ASB13: variants seen among roughly 807,000 people sequenced by gnomAD.
The protein encoded by ASB13 is ankyrin repeat and SOCS box containing 13.
Under a neutral mutation model 28.8 loss-of-function variants are expected in ASB13, and 33 were observed. The ratio of observed to expected loss-of-function variants is 1.15; its 90% CI spans 0.87 to 1.53. The LOEUF (loss-of-function observed/expected upper bound fraction) is 1.53. Ranked by LOEUF, ASB13 falls within the 40% of genes most tolerant of loss-of-function variation. The pLI, the probability that ASB13 is intolerant of heterozygous loss-of-function variation, is 0.00. For missense variants in ASB13, 414 were observed against 390.1 expected (o/e 1.06, Z -0.52); for synonymous variants, 182 against 172.9 (o/e 1.05, Z -0.41).
Position 5,661,287 on chromosome 10 carries a change from A to G in ASB13, c.43+5222T>C, listed in dbSNP as rs1588520217. Reference sequence around the variant, plus strand: ...CGGGCCTCACTTGACCCACACAGGGACTGCAACCATAAAAGCAGCAGAGCC... The same window carrying G: ...CGGGCCTCACTTGACCCACACAGGGGCTGCAACCATAAAAGCAGCAGAGCC... On this transcript the variant is annotated intron_variant, in intron 1 of 5. Transcript: ENST00000357700. This position sits in a 1 kb window ranked among gnomAD's most constrained non-coding sequence, Gnocchi z 4.9. 6.6e-6 allele frequency among the ~76,000 whole-genome samples: 1 copy of G among 152,184 alleles called. No homozygotes were observed. The highest frequency in any genetic ancestry group is 1.9e-4 in the East Asian group (1 of 5,150).
rs1051192538 is a variant in ASB13, at chr10:5,663,042, G to A, written c.43+3467C>T. On this transcript the variant is annotated intron_variant, in intron 1 of 5. Coordinates refer to ENST00000357700, the MANE Select transcript of ASB13 (RefSeq NM_024701.4). The surrounding 1 kb of genome is among the most constrained non-coding windows in gnomAD (Gnocchi z 4.9). ...ATTTTTCAACCATGTCTTTTTAAATGTTTTCATTATGAATCCCCAAAATAT... is the reference window on the plus strand; with the variant it reads ...ATTTTTCAACCATGTCTTTTTAAATATTTTCATTATGAATCCCCAAAATAT... 6.6e-6 allele frequency among the ~76,000 whole-genome samples: 1 copy of A among 152,118 alleles called. No individual in the cohort carries two copies. The highest frequency in any genetic ancestry group is 6.5e-5 in the Admixed American group (1 of 15,284).
At chr10:5,643,475 C>T (rs371288230) in intron 4 of ASB13, among the ~76,000 whole-genome samples, 1 of 152,216 alleles carries the variant, frequency 6.6e-6, no homozygotes, top group Non-Finnish European at 1.5e-5. Context: ...CCACTTCCCG[C>T]AGCCAAAACT....
At position 5,651,512 on chromosome 10, in the gene ASB13, G is replaced by C. The variant is rs1834984690; in HGVS notation, c.232-149C>G. On this transcript the variant is annotated intron_variant, in intron 2 of 5. Transcript: ENST00000357700. This position sits in a 1 kb window ranked among gnomAD's most constrained non-coding sequence, Gnocchi z 5.1. ...TGTGCTAGGCAACGACACTGAAAGA[G>C]ATAGCACGTGGCTGCGGAGCACCGA... 7 of 853,336 alleles carry C rather than the reference G, an allele frequency of 8.2e-6. No individual in the cohort carries two copies. The highest frequency in any genetic ancestry group is 1.2e-5 in the Non-Finnish European group (7 of 570,062). The allele number at this position is 853,336 out of a possible 1,614,324, so 52.9% of individuals were successfully genotyped here. A position where few individuals can be genotyped will look rare whatever the true frequency, so the allele number is the denominator to read the frequency against.
Position 5,663,642 on chromosome 10 carries a change from C to G in ASB13, c.43+2867G>C, listed in dbSNP as rs770390531. 6.6e-6 allele frequency among the ~76,000 whole-genome samples: 1 copy of G among 152,194 alleles called. No individual in the cohort carries two copies. The highest frequency in any genetic ancestry group is 1.5e-5 in the Non-Finnish European group (1 of 68,032). ...GTTTCCTTAGGACAGCAGGCAATGT[C>G]TCCCAGGGCTGCCGAGTCGAGGAGG... On this transcript the variant is annotated intron_variant, in intron 1 of 5. Transcript: ENST00000357700. The surrounding 1 kb of genome is among the most constrained non-coding windows in gnomAD (Gnocchi z 4.9).
intron 1 of ASB13, 53 bp downstream of exon 1, chr10:5,666,456 C>T: frequency 7.9e-7 from 1 of 1,267,580 alleles, no homozygotes; most frequent in Admixed American, 3.7e-5. Flanking sequence ...CGCGGCCGGC[C>T]TCAGGAGCCG....
In ASB13 at chr10:5,644,874, G is replaced by A. The variant is rs1834860498; in HGVS notation, c.518-2913C>T. On this transcript the variant is annotated intron_variant, in intron 4 of 5. Transcript: ENST00000357700. This position sits in a 1 kb window ranked among gnomAD's most constrained non-coding sequence, Gnocchi z 5.1. The stretch of plus-strand genomic sequence containing the variant: ...ACAGAGGAAAGAAGGAAGAGAGAAA[G>A]AGGGTAGGAGAGGGAAAGAAAGTAA... Among the ~76,000 whole-genome samples, 1 of 152,058 alleles carries A rather than the reference G, an allele frequency of 6.6e-6. No individual in the cohort carries two copies. Among genetic ancestry groups the A allele is most frequent in the Non-Finnish European group, 1.5e-5 (1 of 68,012 alleles).
rs912218687 is a variant in ASB13 at position 5,649,260 on chromosome 10, G to A, written c.383-156C>T. Among the ~76,000 whole-genome samples, 6 of 152,210 alleles carry A rather than the reference G, an allele frequency of 3.9e-5. No homozygotes were observed. The highest frequency in any genetic ancestry group is 6.5e-5 in the Admixed American group (1 of 15,288). On this transcript the variant is annotated intron_variant, in intron 3 of 5. Coordinates refer to ENST00000357700, the MANE Select transcript of ASB13 (RefSeq NM_024701.4). The surrounding 1 kb of genome is among the most constrained non-coding windows in gnomAD (Gnocchi z 6.4). ...CAACCTAGGGAGGAGTTCATGACCCGCATGGCCCTCAGGAAGCCAGGACAC... is the reference window on the plus strand; with the variant it reads ...CAACCTAGGGAGGAGTTCATGACCCACATGGCCCTCAGGAAGCCAGGACAC...
Position 5,660,581 on chromosome 10 carries a change from C to T in ASB13, c.43+5928G>A, listed in dbSNP as rs2131457309. Among the ~76,000 whole-genome samples, 1 of 152,294 alleles carries T rather than the reference C, an allele frequency of 6.6e-6. No homozygotes were observed. The highest frequency in any genetic ancestry group is 1.9e-4 in the East Asian group (1 of 5,188). On this transcript the variant is annotated intron_variant, in intron 1 of 5. Transcript: ENST00000357700. The surrounding 1 kb of genome is among the most constrained non-coding windows in gnomAD (Gnocchi z 6.1). Reference sequence around the variant, plus strand: ...TCTCCAAACCTCGGCCTCCTCTCTCCTCAAATGGGTGCTGTGAAGACTGAA... The same window carrying T: ...TCTCCAAACCTCGGCCTCCTCTCTCTTCAAATGGGTGCTGTGAAGACTGAA...
intron 1 of ASB13, among the ~76,000 whole-genome samples, chr10:5,654,094 T>C (rs1384778929): frequency 2.0e-5 from 3 of 151,952 alleles, no homozygotes; most frequent in Admixed American, 2.0e-4. Context: ...GGGGAGAGCA[T>C]TTAGTCATTC....
At chr10:5,653,228 G>C (rs1835017925) in intron 1 of ASB13, among the ~76,000 whole-genome samples, 178 bp from the exon 2 acceptor site, 1 of 152,180 alleles carries the variant, frequency 6.6e-6, no homozygotes, top group South Asian at 2.1e-4. Flanking sequence ...TGGAGTCCAA[G>C]CTCCTGGGCA....
chr10:5,653,056 A>G lies in ASB13; in HGVS notation c.44-6T>C, dbSNP rs2131451179. ...GGTCCGCTCCACCCAGAAACCTGGAAAGGAAGGGGACCTCAGGCTAAGACC... is the reference window on the plus strand; with the variant it reads ...GGTCCGCTCCACCCAGAAACCTGGAGAGGAAGGGGACCTCAGGCTAAGACC... On this transcript the variant is annotated splice_region_variant and splice_polypyrimidine_tract_variant and intron_variant, in intron 1 of 5. Transcript: ENST00000357700. The G allele has an allele frequency of 2.6e-6, 4 of 1,537,608 alleles. No homozygotes were observed. The highest frequency in any genetic ancestry group is 2.4e-5 in the South Asian group (2 of 82,948).
At position 5,644,520 on chromosome 10, in the gene ASB13, C is replaced by T. The variant is rs894749219; in HGVS notation, c.518-2559G>A. ...GAGAAAGAGAACATAAACAGGTACT[C>T]GTTAGAGGAAAACAGGGCCAGACAC... On this transcript the variant is annotated intron_variant, in intron 4 of 5. Coordinates refer to ENST00000357700, the MANE Select transcript of ASB13 (RefSeq NM_024701.4). The surrounding 1 kb of genome is among the most constrained non-coding windows in gnomAD (Gnocchi z 5.1). Among the ~76,000 whole-genome samples the T allele has an allele frequency of 6.7e-6, 1 of 149,850 alleles. No individual in the cohort carries two copies. The highest frequency in any genetic ancestry group is 2.0e-4 in the East Asian group (1 of 4,966).
chr10:5,653,562 T>C (rs1835022924), intron 1 of ASB13, among the ~76,000 whole-genome samples: 1 of 152,256 alleles, frequency 6.6e-6, no homozygotes, highest in Non-Finnish European at 1.5e-5. Flanking sequence ...GTTTTAATTA[T>C]TCCACTTTAG....
chr10:5,661,601 C>T lies in ASB13; in HGVS notation c.43+4908G>A, dbSNP rs1835167359. 6.6e-6 allele frequency among the ~76,000 whole-genome samples: 1 copy of T among 152,044 alleles called. No individual in the cohort carries two copies. The highest frequency in any genetic ancestry group is 2.1e-4 in the South Asian group (1 of 4,824). On this transcript the variant is annotated intron_variant, in intron 1 of 5. Transcript: ENST00000357700. The surrounding 1 kb of genome is among the most constrained non-coding windows in gnomAD (Gnocchi z 4.9). ...CCTCAACCTCCTAGGTTCAAGTGAT[C>T]CTCCCACCTCAGCCTCCCAAGTAGC...
In ASB13 at chr10:5,640,528, C is replaced by A; in HGVS notation, c.*175G>T. 1.2e-6 allele frequency: 1 copy of A among 834,200 alleles called. No individual in the cohort carries two copies. The highest frequency in any genetic ancestry group is 1.8e-6 in the Non-Finnish European group (1 of 549,532). The allele number at this position is 834,200 out of a possible 1,614,324, so 51.7% of individuals were successfully genotyped here. On this transcript the variant is annotated 3_prime_UTR_variant, in exon 6 of 6. Transcript: ENST00000357700. ...CTGAGACGCAGGCCTTCCCAACACC[C>A]TGGAAACATTATCCAGGATCCAGGA...
rs903935422 is a variant in ASB13 at position 5,659,499 on chromosome 10, A to T, written c.44-6449T>A. On this transcript the variant is annotated intron_variant, in intron 1 of 5. Coordinates refer to ENST00000357700, the MANE Select transcript of ASB13 (RefSeq NM_024701.4). The surrounding 1 kb of genome is among the most constrained non-coding windows in gnomAD (Gnocchi z 5.8). ...CAGTGACACCAAACTCTACCGACTC[A>T]CACAGAGTCCAGTGGCTGCAAGTCC... Among the ~76,000 whole-genome samples the T allele has an allele frequency of 6.6e-6, 1 of 152,122 alleles. No individual in the cohort carries two copies. Among genetic ancestry groups the T allele is most frequent in the African/African-American group, 2.4e-5 (1 of 41,412 alleles).
At chr10:5,657,578 T>G (rs1588517630) in intron 1 of ASB13, among the ~76,000 whole-genome samples, 1 of 152,146 alleles carries the variant, frequency 6.6e-6, no homozygotes, top group Non-Finnish European at 1.5e-5. Context: ...GATGGGAATA[T>G]AAAATGGTCT....
Position 5,649,760 on chromosome 10 carries a change from A to G in ASB13, c.383-656T>C, listed in dbSNP as rs527432405. ...AGGCTGGTCTCAAACTCCTGACCTC[A>G]GGTGATCCGCCCACCTCAGCCTCCC... On this transcript the variant is annotated intron_variant, in intron 3 of 5. Coordinates refer to ENST00000357700, the MANE Select transcript of ASB13 (RefSeq NM_024701.4). The surrounding 1 kb of genome is among the most constrained non-coding windows in gnomAD (Gnocchi z 6.4). Among the ~76,000 whole-genome samples, 1,117 of 152,142 alleles carry G rather than the reference A, an allele frequency of 7.3e-3. 8 individuals carry two copies. The highest frequency in any genetic ancestry group is 0.017 in the Middle Eastern group (5 of 294).
At position 5,645,720 on chromosome 10, in the gene ASB13, A is replaced by G. The variant is rs1374599373; in HGVS notation, c.517+3250T>C. Among the ~76,000 whole-genome samples the G allele has an allele frequency of 1.3e-5, 2 of 152,114 alleles. No individual in the cohort carries two copies. Among genetic ancestry groups the G allele is most frequent in the Non-Finnish European group, 1.5e-5 (1 of 68,018 alleles). On this transcript the variant is annotated intron_variant, in intron 4 of 5. Transcript: ENST00000357700. The surrounding 1 kb of genome is among the most constrained non-coding windows in gnomAD (Gnocchi z 5.4). ...TCAGAATTTGGCAAAGTTTGGGCAA[A>G]GGGACTGGGGAGGGGTGCAGGAAAA...
Sources: allele counts gnomAD v4.1 joint callset (sites outside exome capture counted in the v4.1 genomes callset), GRCh38; gene constraint gnomAD v4.1.1; non-coding constraint Gnocchi (gnomAD v3.1); transcripts MANE v1.5; gene names NCBI Gene and HGNC (gene_info 2026-07-23, HGNC 2026-07-21).